The following UGT3A1 variants were observed in gnomAD, a reference collection of about 807,000 sequenced individuals.
The protein encoded by UGT3A1 is UDP glycosyltransferase family 3 member A1.
A neutral mutation model predicts 37.6 loss-of-function variants in UGT3A1; 40 were observed. The observed-to-expected ratio is 1.06, with a 90% CI of 0.83 to 1.38. UGT3A1 has a LOEUF of 1.38. UGT3A1 is among the 40% of genes most tolerant of loss of function. The pLI, the probability that UGT3A1 is intolerant of heterozygous loss-of-function variation, is 0.00. For missense variants in UGT3A1, 642 were observed against 634.2 expected, an observed-to-expected ratio of 1.01 and a Z score of -0.13; for synonymous variants, 256 against 232.3, an observed-to-expected ratio of 1.10 and a Z score of -0.93.
chr5:35,959,106 C>G (rs998251121), intron 4 of UGT3A1, among the ~76,000 whole-genome samples: 1 of 152,134 alleles, frequency 6.6e-6, no homozygotes, highest in Non-Finnish European at 1.5e-5. Flanking sequence ...GTTGAGCATA[C>G]AGAGGGAATT....
intron 2 of UGT3A1, among the ~76,000 whole-genome samples, chr5:35,969,311 G>T (rs534822219): frequency 7.2e-4 from 109 of 152,228 alleles, no homozygotes; most frequent in Non-Finnish European, 1.1e-3. Context: ...AGAATTATTA[G>T]GAAAAGCACC....
intron 5 of UGT3A1, among the ~76,000 whole-genome samples, chr5:35,956,314 T>C (rs1739355790): frequency 6.6e-6 from 1 of 152,374 alleles, no homozygotes; most frequent in East Asian, 1.9e-4. Flanking sequence ...TGTCTGCCTG[T>C]CCCACCCTTA....
chr5:35,979,323 C>A (rs1740425563), intron 2 of UGT3A1, among the ~76,000 whole-genome samples: 2 of 152,038 alleles, frequency 1.3e-5, no homozygotes, highest in African/African-American at 4.8e-5. Context: ...TTATACTCTG[C>A]TTCCCTTACA....
intron 2 of UGT3A1, among the ~76,000 whole-genome samples, chr5:35,970,385 C>T (rs2149967648): frequency 1.6e-5 from 2 of 128,576 alleles, no homozygotes; most frequent in African/African-American, 6.2e-5. Flanking sequence ...AGTGAGACTC[C>T]ATCTCAAAAA....
chr5:35,972,249 T>A (rs1400906886), intron 2 of UGT3A1, among the ~76,000 whole-genome samples: 1 of 152,182 alleles, frequency 6.6e-6, no homozygotes, highest in Non-Finnish European at 1.5e-5. Flanking sequence ...ATGCTTATTA[T>A]CTGCAATCAG....
chr5:35,983,577 G>T (rs1320147050), intron 2 of UGT3A1, among the ~76,000 whole-genome samples: 2 of 151,756 alleles, frequency 1.3e-5, no homozygotes, highest in Non-Finnish European at 2.9e-5. Flanking sequence ...ACCAAAATCA[G>T]ACAAGGGCAT....
intron 1 of UGT3A1, among the ~76,000 whole-genome samples, chr5:35,998,964 C>T (rs905306103): frequency 5.3e-5 from 8 of 152,114 alleles, no homozygotes; most frequent in Admixed American, 2.0e-4. Flanking sequence ...AGGCCGAGCG[C>T]GGTGGCTCAC....
chr5:35,954,422 G>A lies in UGT3A1; in HGVS notation c.1352C>T (p.Pro451Leu). ...SVILHSQPLS[P>L]AQRLVGWIDH... ...GATCCAGCCCACCAGCCGCTGTGCGGGGCTCAGGGGCTGAGAGTGCAGGAT... is the reference window on the plus strand; with the variant it reads ...GATCCAGCCCACCAGCCGCTGTGCGAGGCTCAGGGGCTGAGAGTGCAGGAT... Residue 451 changes from proline to leucine, a missense_variant, in exon 7 of 7, where the codon CCC (proline) becomes CTC (leucine). Physicochemically the swap from Pro to Leu is moderately conservative, Grantham distance 98 (BLOSUM62 -3). Transcript: ENST00000274278. 6.2e-7 allele frequency: 1 copy of A among 1,614,198 alleles called. No individual in the cohort carries two copies. The highest frequency in any genetic ancestry group is 1.1e-5 in the South Asian group (1 of 91,082).
intron 1 of UGT3A1, 49 bp downstream of exon 1, chr5:35,991,098 C>A (rs1273641183): frequency 9.3e-6 from 15 of 1,614,032 alleles, no homozygotes; most frequent in Non-Finnish European, 1.3e-5. Context: ...CCTGGCAGTG[C>A]GGGGATCCGG....
Position 35,953,993 on chromosome 5 carries a change from A to T in UGT3A1, c.*209T>A. 1.8e-6 allele frequency: 1 copy of T among 565,430 alleles called. No homozygotes were observed. 35.0% of individuals were successfully genotyped at this position (565,430 alleles called of 1,614,324 possible). On this transcript the variant is annotated 3_prime_UTR_variant, in exon 7 of 7. Transcript: ENST00000274278. Reference sequence around the variant, plus strand: ...GCTGGCAGGTGAAAATTTGTATCTGAGCTGGGGTTTCAAGTCACAAGGGGC... The same window carrying T: ...GCTGGCAGGTGAAAATTTGTATCTGTGCTGGGGTTTCAAGTCACAAGGGGC...
chr5:35,951,617 T>C lies in UGT3A1; in HGVS notation c.*2585A>G, dbSNP rs1462583882. On this transcript the variant is annotated 3_prime_UTR_variant, in exon 7 of 7. Transcript: ENST00000274278. ...ATATTAGGTCTATGTGTAAGATATA[T>C]GCTGCAGCTATGTTTCTCCAACTTT... is the stretch of plus-strand genomic sequence containing the variant. 2 of 152,228 alleles carry C rather than the reference T, an allele frequency of 1.3e-5. No individual in the cohort carries two copies. The highest frequency in any genetic ancestry group is 2.9e-5 in the Non-Finnish European group (2 of 68,030). The allele number at this position is 152,228 out of a possible 1,614,324, so 9.4% of individuals were successfully genotyped here.
chr5:35,996,258 C>T (rs978172141), upstream of UGT3A1, among the ~76,000 whole-genome samples: 16 of 152,050 alleles, frequency 1.1e-4, no homozygotes, highest in African/African-American at 2.7e-4. Flanking sequence ...AGGGATGCTC[C>T]GAGAAAGTGC....
At chr5:35,991,992 C>T (rs1740966039), upstream of UGT3A1, among the ~76,000 whole-genome samples, 1 of 152,322 alleles carries the variant, frequency 6.6e-6, no homozygotes, top group Admixed American at 6.5e-5. Context: ...CTGAGAATAG[C>T]TTGTAATTCT....
chr5:35,984,014 A>C (rs1740632979), intron 2 of UGT3A1, among the ~76,000 whole-genome samples: 1 of 152,180 alleles, frequency 6.6e-6, no homozygotes, highest in Non-Finnish European at 1.5e-5. Flanking sequence ...GCCCACTTTC[A>C]CTACTTTTAT....
At chr5:35,955,579 AC>A in intron 6 of UGT3A1, 65 bp downstream of exon 6, 2 of 1,560,084 alleles carry the variant, frequency 1.3e-6, no homozygotes, top group Non-Finnish European at 1.8e-6. Context: ...AAATACATAC[AC>A]AGTATCCCTT....
At chr5:35,976,348 A>G (rs1396767866) in intron 2 of UGT3A1, among the ~76,000 whole-genome samples, 1 of 152,184 alleles carries the variant, frequency 6.6e-6, no homozygotes, top group Non-Finnish European at 1.5e-5. Flanking sequence ...GGCATCTCTA[A>G]GTATTAATAT....
rs1343897219 is a variant in UGT3A1, at chr5:35,955,785, C to T, written c.1155G>A (p.Met385Ile). The stretch of plus-strand genomic sequence containing the variant: ...GGTCTCCATTGACTGGTAATCCCAC[C>T]ATGGGCACACCATGACGGATGGCCT... Reference protein sequence around the residue: ...VMEAIRHGVPMVGLPVNGDQH... With the variant: ...VMEAIRHGVPIVGLPVNGDQH... The change falls in exon 6 of 7, where the codon ATG becomes ATA. Residue 385 changes from methionine (M) to isoleucine (I), a missense_variant. Physicochemically the swap from Met to Ile is conservative, Grantham distance 10. Transcript: ENST00000274278. The T allele has an allele frequency of 6.2e-7, 1 of 1,614,094 alleles. No homozygotes were observed. The highest frequency in any genetic ancestry group is 8.5e-7 in the Non-Finnish European group (1 of 1,180,054).
chr5:35,959,714 G>T (rs1237128477), intron 4 of UGT3A1, among the ~76,000 whole-genome samples: 3 of 151,880 alleles, frequency 2.0e-5, no homozygotes, highest in Non-Finnish European at 4.4e-5. Flanking sequence ...CACTACGAGA[G>T]AAAATGAAAG....
At chr5:35,965,291 T>C in intron 4 of UGT3A1, 95 bp downstream of exon 4, 1 of 1,521,506 alleles carries the variant, frequency 6.6e-7, no homozygotes, top group Non-Finnish European at 8.8e-7. Context: ...CAATCCCTAC[T>C]TCAACCTCAG....
Sources: allele counts gnomAD v4.1 joint callset (sites outside exome capture counted in the v4.1 genomes callset), GRCh38; gene constraint gnomAD v4.1.1; transcripts MANE v1.5; gene names NCBI Gene and HGNC (gene_info 2026-07-23, HGNC 2026-07-21).